The following CHD7 variants were observed in gnomAD, a reference collection of about 807,000 sequenced individuals.
CHD7 encodes chromodomain helicase DNA binding protein 7.
Under a neutral mutation model 307.3 loss-of-function variants are expected in CHD7, and 24 were observed. That is an observed-to-expected ratio of 0.08 (90% CI 0.06 to 0.11). The LOEUF (loss-of-function observed/expected upper bound fraction) is 0.11. Ranked by LOEUF, CHD7 falls within the 10% of genes least tolerant of loss-of-function variation. CHD7 has a pLI of 1.00. For missense variants in CHD7, 3,106 were observed against 3,727.1 expected (o/e 0.83, Z 4.34); for synonymous variants, 1,363 against 1,349.9 (o/e 1.01, Z -0.21).
chr8:60,680,604 C>G lies in CHD7; in HGVS notation c.-175+1522C>G, dbSNP rs553483568. ...CGGCCGCCCGCTTTGTGAGCGCCCC[C>G]GTGAAGCGAGCGGCGCGGAGAGTGC... is the stretch of plus-strand genomic sequence containing the variant. On this transcript the variant is annotated intron_variant, in intron 1 of 37. Transcript: ENST00000423902. 2.4e-4 allele frequency among the ~76,000 whole-genome samples: 37 copies of G among 152,196 alleles called. 1 individual carries two copies. Among genetic ancestry groups the G allele is most frequent in the South Asian group, 1.5e-3 (7 of 4,824 alleles).
At chr8:60,754,735 G>T (rs1333733613) in intron 2 of CHD7, among the ~76,000 whole-genome samples, 1 of 152,156 alleles carries the variant, frequency 6.6e-6, no homozygotes, top group East Asian at 1.9e-4. Flanking sequence ...CTTCAACCAA[G>T]GTGAAAACCA....
At chr8:60,769,739 G>GT (rs999637379) in intron 2 of CHD7, among the ~76,000 whole-genome samples, 16 of 152,002 alleles carry the variant, frequency 1.1e-4, no homozygotes, top group East Asian at 1.9e-4. Context: ...AGAGAATAGT[G>GT]TTTTTTTTGT....
chr8:60,861,451 C>T (rs1029501483), intron 35 of CHD7: 2 of 226,926 alleles, frequency 8.8e-6, no homozygotes, highest in Non-Finnish European at 1.7e-5. Context: ...ATTGGGGTAA[C>T]ACTGTTGAAT....
chr8:60,702,055 C>T (rs534064601), intron 1 of CHD7, among the ~76,000 whole-genome samples: 1 of 152,312 alleles, frequency 6.6e-6, no homozygotes, highest in African/African-American at 2.4e-5. Context: ...CAAATACCAG[C>T]TCCTCCACTC....
intron 2 of CHD7, among the ~76,000 whole-genome samples, chr8:60,749,370 C>CAAAAAAAAAAA: frequency 1.8e-5 from 1 of 56,298 alleles, no homozygotes; most frequent in African/African-American, 7.9e-5. Flanking sequence ...GACTCTGTAT[C>CAAAAAAAAAAA]AAAAAAAAAA....
At position 60,852,712 on chromosome 8, in the gene CHD7, T is replaced by C. The variant is rs371509438; in HGVS notation, c.6103+6T>C. On this transcript the variant is annotated splice_donor_region_variant and intron_variant, in intron 30 of 37. Transcript: ENST00000423902. ...GCCCGTCAAGCCAGATGATGGTAGG[T>C]ACATTTAGCAACAAAGTTCTATACA... The C allele has an allele frequency of 1.6e-4, 258 of 1,613,664 alleles. No homozygotes were observed. Among genetic ancestry groups the C allele is most frequent in the Admixed American group, 1.7e-4 (10 of 59,992 alleles).
intron 2 of CHD7, among the ~76,000 whole-genome samples, chr8:60,766,474 A>G (rs540949766): frequency 1.3e-5 from 2 of 152,340 alleles, no homozygotes; most frequent in East Asian, 3.9e-4. Context: ...CAGACTGTGT[A>G]GCAGATTAAC....
chr8:60,792,292 A>G (rs926785487), intron 3 of CHD7, among the ~76,000 whole-genome samples: 7 of 152,240 alleles, frequency 4.6e-5, no homozygotes, highest in African/African-American at 1.7e-4. Flanking sequence ...TAGTTGAAAA[A>G]TCTCAATTAG....
At chr8:60,722,699 T>C (rs1807971960) in intron 1 of CHD7, among the ~76,000 whole-genome samples, 1 of 152,226 alleles carries the variant, frequency 6.6e-6, no homozygotes, top group Admixed American at 6.5e-5. Context: ...TTCCTTCCTA[T>C]TTTTATAAAT....
chr8:60,806,016 A>G (rs1418968005), intron 6 of CHD7, among the ~76,000 whole-genome samples: 1 of 152,068 alleles, frequency 6.6e-6, no homozygotes. Context: ...CTGATCATCT[A>G]CCATCTTTTT....
intron 1 of CHD7, among the ~76,000 whole-genome samples, chr8:60,708,317 T>A (rs1174882424): frequency 6.6e-6 from 1 of 152,182 alleles, no homozygotes; most frequent in Non-Finnish European, 1.5e-5. Flanking sequence ...TCTGACTTTC[T>A]CTCCTGTTGC....
chr8:60,866,040 C>G lies in CHD7; in HGVS notation c.*107C>G. 2.0e-6 allele frequency: 2 copies of G among 1,019,430 alleles called. No individual in the cohort carries two copies. The highest frequency in any genetic ancestry group is 2.8e-6 in the Non-Finnish European group (2 of 702,846). The allele number at this position is 1,019,430 out of a possible 1,614,324, so 63.1% of individuals were successfully genotyped here. Reference sequence around the variant, plus strand: ...CCTAGTTTTATAAGCTGTTCTGTAACATAGTGTAGCAAAAAAAAAAGTTCA... The same window carrying G: ...CCTAGTTTTATAAGCTGTTCTGTAAGATAGTGTAGCAAAAAAAAAAGTTCA... On this transcript the variant is annotated 3_prime_UTR_variant, in exon 38 of 38. Coordinates refer to ENST00000423902, the MANE Select transcript of CHD7 (RefSeq NM_017780.4).
intron 2 of CHD7, among the ~76,000 whole-genome samples, chr8:60,747,216 C>T (rs1809374387): frequency 6.6e-6 from 1 of 151,938 alleles, no homozygotes; most frequent in South Asian, 2.1e-4. Flanking sequence ...GTTGGGATTA[C>T]AGGCACCCGC....
rs1330503724 is a variant in CHD7 at position 60,865,951 on chromosome 8, T to G, written c.*18T>G. ...ATGAATAACCAGTACCAGTTCCAGTTCAAGTGTTTAAAACTTTTGACAAGT... is the reference window on the plus strand; with the variant it reads ...ATGAATAACCAGTACCAGTTCCAGTGCAAGTGTTTAAAACTTTTGACAAGT... On this transcript the variant is annotated 3_prime_UTR_variant, in exon 38 of 38. Coordinates refer to ENST00000423902, the MANE Select transcript of CHD7 (RefSeq NM_017780.4). This position sits in a 1 kb window ranked among gnomAD's most constrained non-coding sequence, Gnocchi z 4.3. 1 of 1,577,278 alleles carries G rather than the reference T, an allele frequency of 6.3e-7. No individual in the cohort carries two copies. Among genetic ancestry groups the G allele is most frequent in the African/African-American group, 1.3e-5 (1 of 74,310 alleles).
At chr8:60,853,532 C>T (rs764405637) in intron 31 of CHD7, 32 bp downstream of exon 31, 2 of 1,471,976 alleles carry the variant, frequency 1.4e-6, no homozygotes, top group Non-Finnish European at 1.8e-6. Flanking sequence ...CTCTCCTGAC[C>T]CTGCAGCAGC....
Position 60,837,846 on chromosome 8 carries a change from C to G in CHD7, c.4353+11C>G. 2 of 1,603,070 alleles carry G rather than the reference C, an allele frequency of 1.2e-6. No homozygotes were observed. Among genetic ancestry groups the G allele is most frequent in the Non-Finnish European group, 1.7e-6 (2 of 1,173,264 alleles). On this transcript the variant is annotated intron_variant, in intron 18 of 37. Coordinates refer to ENST00000423902, the MANE Select transcript of CHD7 (RefSeq NM_017780.4). ...AATGCTACCAATGGGGTAAAACCAC[C>G]CTTGCCCAAACCATTTATTTATTCT...
At chr8:60,723,490 T>C (rs955895747) in intron 1 of CHD7, among the ~76,000 whole-genome samples, 1 of 152,188 alleles carries the variant, frequency 6.6e-6, no homozygotes, top group Non-Finnish European at 1.5e-5. Flanking sequence ...CTAGAAGGAA[T>C]GTAGGAATGA....
At chr8:60,714,111 G>GGCCGCGCTTC (rs942703915) in intron 1 of CHD7, among the ~76,000 whole-genome samples, 8 of 152,144 alleles carry the variant, frequency 5.3e-5, no homozygotes, top group African/African-American at 1.7e-4. Context: ...GGCCGGGCTG[G>GGCCGCGCTTC]GCCGCGCTTC....
At chr8:60,787,546 T>C (rs1308062219) in intron 3 of CHD7, among the ~76,000 whole-genome samples, 3 of 152,004 alleles carry the variant, frequency 2.0e-5, no homozygotes, top group Non-Finnish European at 2.9e-5. Flanking sequence ...GTGGAGAGTG[T>C]GAATCAAGAA....
Sources: allele counts gnomAD v4.1 joint callset (sites outside exome capture counted in the v4.1 genomes callset), GRCh38; gene constraint gnomAD v4.1.1; non-coding constraint Gnocchi (gnomAD v3.1); transcripts MANE v1.5; gene names NCBI Gene and HGNC (gene_info 2026-07-23, HGNC 2026-07-21).